The following FMNL2 variants were observed in gnomAD, a reference collection of about 807,000 sequenced individuals.
The protein encoded by FMNL2 is formin like 2, also known as formin-like protein 2.
FMNL2 carries 51 observed loss-of-function variants against 130.2 expected under a neutral mutation model. The observed-to-expected ratio is 0.39, with a 90% confidence interval of 0.31 to 0.49. The LOEUF (loss-of-function observed/expected upper bound fraction) is 0.49, where lower values mean the gene tolerates loss of function less well. FMNL2 is among the 20% of genes least tolerant of loss of function. FMNL2 has a pLI of 0.85. For synonymous variants in FMNL2, 465 were observed against 467.1 expected (o/e 1.00, Z 0.06); for missense variants, 977 against 1,316.2 (o/e 0.74, Z 3.99).
rs760932380 is a variant in FMNL2 at position 152,521,960 on chromosome 2, T to A, written c.135T>A (p.Pro45=). 3.1e-6 allele frequency: 5 copies of A among 1,612,930 alleles called. No homozygotes were observed. Among genetic ancestry groups the A allele is most frequent in the Non-Finnish European group, 4.2e-6 (5 of 1,179,390 alleles). The change falls in exon 2 of 26, where the codon CCT becomes CCA. Residue 45 remains proline, a synonymous_variant. Transcript: ENST00000288670. ...TTAAACAGAATGCTATGAACCTACC[T>A]CCTGACAAAGCCAGGTTACTGCGGC... ...FAIVLNAMNL[P]PDKARLLRQY...
chr2:152,395,194 CAG>C (rs1400891851), intron 1 of FMNL2, among the ~76,000 whole-genome samples: 1 of 152,192 alleles, frequency 6.6e-6, no homozygotes, highest in African/African-American at 2.4e-5. Context: ...CCCGTATTTC[CAG>C]AGTGTTCTTT....
At chr2:152,583,438 A>G (rs1054140551) in intron 9 of FMNL2, among the ~76,000 whole-genome samples, 2 of 152,236 alleles carry the variant, frequency 1.3e-5, no homozygotes, top group African/African-American at 2.4e-5. Flanking sequence ...CAAAAAGTAC[A>G]CACTCAAGAA....
chr2:152,351,415 T>C (rs988294969), intron 1 of FMNL2, among the ~76,000 whole-genome samples: 2 of 152,182 alleles, frequency 1.3e-5, no homozygotes, highest in Non-Finnish European at 2.9e-5. Context: ...TGTGTTCTCA[T>C]TGTTCAACCC....
intron 1 of FMNL2, among the ~76,000 whole-genome samples, chr2:152,399,134 G>C (rs563660984): frequency 6.6e-6 from 1 of 152,234 alleles, no homozygotes; most frequent in African/African-American, 2.4e-5. Context: ...CCCTGAGCTG[G>C]TGCTGGGATC....
At chr2:152,466,189 TG>T (rs1211356490) in intron 1 of FMNL2, among the ~76,000 whole-genome samples, 1 of 152,184 alleles carries the variant, frequency 6.6e-6, no homozygotes, top group African/African-American at 2.4e-5. Context: ...GTGTGAGGAC[TG>T]TCTGAACCCT....
intron 1 of FMNL2, among the ~76,000 whole-genome samples, chr2:152,381,810 C>CTTT (rs3047878): frequency 0.017 from 2,485 of 149,874 alleles, 60 homozygotes; most frequent in African/African-American, 0.049. Flanking sequence ...CAAAGCAGAA[C>CTTT]TTTTTTTTTT....
chr2:152,445,639 A>G (rs1401758549), intron 1 of FMNL2, among the ~76,000 whole-genome samples: 1 of 152,218 alleles, frequency 6.6e-6, no homozygotes, highest in African/African-American at 2.4e-5. Flanking sequence ...TTGTTAAAAC[A>G]TAGATTGCTG....
chr2:152,413,630 T>C (rs1686442104), intron 1 of FMNL2, among the ~76,000 whole-genome samples: 4 of 152,120 alleles, frequency 2.6e-5, no homozygotes, highest in Non-Finnish European at 5.9e-5. Context: ...TAAAACAATG[T>C]GATAATCTAG....
intron 2 of FMNL2, among the ~76,000 whole-genome samples, chr2:152,525,863 T>G (rs1299273372): frequency 6.6e-6 from 1 of 152,186 alleles, no homozygotes; most frequent in Non-Finnish European, 1.5e-5. Flanking sequence ...AGGTGATCTC[T>G]TGTCTTTTTC....
chr2:152,551,434 C>T (rs1694929555), intron 4 of FMNL2, among the ~76,000 whole-genome samples: 2 of 152,212 alleles, frequency 1.3e-5, no homozygotes. Context: ...CAGAAAAATT[C>T]ATGGAGATGC....
intron 5 of FMNL2, among the ~76,000 whole-genome samples, chr2:152,559,594 C>T (rs772671990): frequency 9.2e-5 from 14 of 152,126 alleles, no homozygotes; most frequent in South Asian, 2.1e-4. Flanking sequence ...TGTGAGCCAC[C>T]GCACCCAACC....
In FMNL2 at chr2:152,603,399, GTTT is replaced by G. The variant is rs138427461; in HGVS notation, c.877-3925_877-3923del. Among the ~76,000 whole-genome samples the G allele has an allele frequency of 1.4e-3, 183 of 135,190 alleles. 1 individual carries two copies. The highest frequency in any genetic ancestry group is 4.6e-3 in the African/African-American group (175 of 37,648). 88.7% of individuals were successfully genotyped at this position (135,190 alleles called of 152,430 possible). Reference sequence around the variant, plus strand: ...TGTAAATAAGAAGATATTTAAGTCTGTTTTTTTTTTTTTTTTTAAGATTAGAGG... The same window carrying G: ...TGTAAATAAGAAGATATTTAAGTCTGTTTTTTTTTTTTTTAAGATTAGAGG... On this transcript the variant is annotated intron_variant, in intron 9 of 25. Transcript: ENST00000288670.
chr2:152,588,136 C>G (rs1396793787), intron 9 of FMNL2, among the ~76,000 whole-genome samples: 1 of 152,208 alleles, frequency 6.6e-6, no homozygotes, highest in Non-Finnish European at 1.5e-5. Flanking sequence ...GTTTATTATT[C>G]TACAGTTCTG....
Position 152,640,922 on chromosome 2 carries a change from A to G in FMNL2, c.3169+8A>G, listed in dbSNP as rs1177735366. On this transcript the variant is annotated splice_region_variant and intron_variant, in intron 25 of 25. Coordinates refer to ENST00000288670, the MANE Select transcript of FMNL2 (RefSeq NM_052905.4). ...TTGAAGATATTATCACAGGTAAAAG[A>G]TATTTCTTCACTGTGGCCCATGGAG... The G allele has an allele frequency of 8.7e-6, 14 of 1,613,338 alleles. No homozygotes were observed. The highest frequency in any genetic ancestry group is 1.7e-5 in the Admixed American group (1 of 60,000).
At chr2:152,471,914 C>T (rs539654825) in intron 1 of FMNL2, among the ~76,000 whole-genome samples, 2 of 152,250 alleles carry the variant, frequency 1.3e-5, no homozygotes, top group African/African-American at 4.8e-5. Flanking sequence ...CTGCCTGGAT[C>T]ACAGTTTCAG....
chr2:152,648,096 A>G lies in FMNL2; in HGVS notation c.*191A>G. The G allele has an allele frequency of 1.8e-6, 1 of 569,264 alleles. No homozygotes were observed. The highest frequency in any genetic ancestry group is 3.1e-6 in the Non-Finnish European group (1 of 323,804). The allele number at this position is 569,264 out of a possible 1,614,324, so 35.3% of individuals were successfully genotyped here. A position where few individuals can be genotyped will look rare whatever the true frequency, so the allele number is the denominator to read the frequency against. On this transcript the variant is annotated 3_prime_UTR_variant, in exon 26 of 26. Coordinates refer to ENST00000288670, the MANE Select transcript of FMNL2 (RefSeq NM_052905.4). Reference sequence around the variant, plus strand: ...CTTGTTAACAAGTGCCTAAAAATGGAAGTACCTGTTCAGATTAATCAAAGC... The same window carrying G: ...CTTGTTAACAAGTGCCTAAAAATGGGAGTACCTGTTCAGATTAATCAAAGC...
At chr2:152,362,473 T>G (rs903664678) in intron 1 of FMNL2, among the ~76,000 whole-genome samples, 21 of 152,220 alleles carry the variant, frequency 1.4e-4, no homozygotes, top group Admixed American at 2.6e-4. Flanking sequence ...GATTTAATTC[T>G]GACTGCAAAC....
chr2:152,504,575 GT>G (rs1200059707), intron 1 of FMNL2, among the ~76,000 whole-genome samples: 1 of 152,138 alleles, frequency 6.6e-6, no homozygotes, highest in African/African-American at 2.4e-5. Context: ...CCTGTTTAGT[GT>G]CTCTCCATAG....
At chr2:152,635,146 C>G (rs1682484915) in intron 21 of FMNL2, among the ~76,000 whole-genome samples, 1 of 152,166 alleles carries the variant, frequency 6.6e-6, no homozygotes, top group African/African-American at 2.4e-5. Flanking sequence ...CACCCACTTA[C>G]CAAGCTTTTT....
Sources: allele counts gnomAD v4.1 joint callset (sites outside exome capture counted in the v4.1 genomes callset), GRCh38; gene constraint gnomAD v4.1.1; transcripts MANE v1.5; gene names NCBI Gene and HGNC (gene_info 2026-07-23, HGNC 2026-07-21).